The following CFAP107 variants were observed in gnomAD, a reference collection of about 807,000 sequenced individuals.
CFAP107 encodes the protein cilia- and flagella-associated protein 107.
chr1:12,750,634 C>T, the CFAP107 span, among the ~76,000 whole-genome samples: 1 of 152,000 alleles, frequency 6.6e-6, no homozygotes, highest in African/African-American at 2.4e-5. Flanking sequence ...CAAAGAGGGA[C>T]ACTATATATT....
At chr1:12,755,789 G>A in the CFAP107 span, 1 of 1,613,432 alleles carries the variant, frequency 6.2e-7, no homozygotes, top group Non-Finnish European at 8.5e-7. Context: ...AGATCTCCAG[G>A]TGGTATGGGA....
chr1:12,755,872 C>A, the CFAP107 span: 1 of 1,168,204 alleles, frequency 8.6e-7, no homozygotes, highest in Non-Finnish European at 1.3e-6. Context: ...GCTCAGGGGA[C>A]ACCAGCCAGC....
chr1:12,746,672 CTG>C, the CFAP107 span: 1 of 659,570 alleles, frequency 1.5e-6, no homozygotes, highest in South Asian at 1.7e-5. Flanking sequence ...ATTGGGGTCT[CTG>C]TGCTCTACAA....
chr1:12,759,648 G>A, the CFAP107 span: 2 of 792,132 alleles, frequency 2.5e-6, no homozygotes, highest in South Asian at 1.5e-5. Flanking sequence ...TACCCTCAGG[G>A]CTGCCTCCTG....
chr1:12,761,057 G>A, the CFAP107 span: 1 of 1,168,042 alleles, frequency 8.6e-7, no homozygotes, highest in South Asian at 1.6e-5. Context: ...TACGAGATCT[G>A]GCCCGTCAAA....
chr1:12,758,372 C>T, the CFAP107 span, among the ~76,000 whole-genome samples: 12 of 152,200 alleles, frequency 7.9e-5, no homozygotes, highest in Admixed American at 5.2e-4. Context: ...GCTGCTTCTG[C>T]AATTCCCTTT....
chr1:12,756,748 C>G, the CFAP107 span, among the ~76,000 whole-genome samples: 1 of 152,170 alleles, frequency 6.6e-6, no homozygotes, highest in Admixed American at 6.5e-5. Context: ...CATTTTAGTG[C>G]TTGGAGGGAC....
the CFAP107 span, among the ~76,000 whole-genome samples, chr1:12,750,071 G>A: frequency 6.6e-6 from 1 of 152,192 alleles, no homozygotes; most frequent in Non-Finnish European, 1.5e-5. Context: ...ATATAAAGAT[G>A]TAATTTGTGC....
At chr1:12,746,618 T>A in the CFAP107 span, 1 of 1,066,010 alleles carries the variant, frequency 9.4e-7, no homozygotes, top group South Asian at 1.3e-5. Context: ...TCATCACTAT[T>A]TTCAAATGGA....
chr1:12,759,431 C>A, the CFAP107 span: 1 of 1,614,170 alleles, frequency 6.2e-7, no homozygotes, highest in Non-Finnish European at 8.5e-7. Flanking sequence ...CCACTCCGCA[C>A]TTGGAATGGA....
the CFAP107 span, among the ~76,000 whole-genome samples, chr1:12,754,467 G>A: frequency 1.7e-3 from 258 of 152,312 alleles, 2 homozygotes; most frequent in Admixed American, 0.012. Context: ...AAAAAAATTA[G>A]ACATAGAATT....
chr1:12,751,247 G>A, the CFAP107 span, among the ~76,000 whole-genome samples: 1 of 152,052 alleles, frequency 6.6e-6, no homozygotes, highest in African/African-American at 2.4e-5. Context: ...CAAACTAAAT[G>A]CAAAGCTAGC....
chr1:12,749,311 C>T, the CFAP107 span, among the ~76,000 whole-genome samples: 3 of 152,170 alleles, frequency 2.0e-5, no homozygotes, highest in African/African-American at 7.2e-5. Context: ...AATGGCTCCT[C>T]AGTGAGATTG....
chr1:12,752,283 G>A, the CFAP107 span, among the ~76,000 whole-genome samples: 1 of 152,072 alleles, frequency 6.6e-6, no homozygotes, highest in African/African-American at 2.4e-5. Context: ...ATTCCTTCCT[G>A]GAATGCAAGA....
At chr1:12,754,132 A>G in the CFAP107 span, among the ~76,000 whole-genome samples, 1 of 152,234 alleles carries the variant, frequency 6.6e-6, no homozygotes, top group Non-Finnish European at 1.5e-5. Flanking sequence ...ATATCTGATA[A>G]GGGACTAATA....
chr1:12,760,912 G>C, the CFAP107 span: 1 of 1,613,694 alleles, frequency 6.2e-7, no homozygotes, highest in Non-Finnish European at 8.5e-7. Flanking sequence ...ATGCGGTCCC[G>C]GTCCCTCCCC....
the CFAP107 span, among the ~76,000 whole-genome samples, chr1:12,757,420 C>G: frequency 1.4e-5 from 2 of 148,094 alleles, no homozygotes; most frequent in Non-Finnish European, 3.0e-5. Context: ...CTCTCTCTGT[C>G]CCCCAGGCTA....
At chr1:12,746,939 C>T in the CFAP107 span, among the ~76,000 whole-genome samples, 1 of 152,076 alleles carries the variant, frequency 6.6e-6, no homozygotes, top group African/African-American at 2.4e-5. Context: ...TTGCTCTCCT[C>T]ATTCTGGCCC....
the CFAP107 span, among the ~76,000 whole-genome samples, chr1:12,749,445 T>C: frequency 2.0e-5 from 3 of 152,080 alleles, no homozygotes; most frequent in Non-Finnish European, 4.4e-5. Flanking sequence ...ACCCTATGTC[T>C]ACAAAAGATA....
Sources: allele counts gnomAD v4.1 joint callset (sites outside exome capture counted in the v4.1 genomes callset), GRCh38; gene constraint gnomAD v4.1.1; transcripts MANE v1.5; gene names NCBI Gene and HGNC (gene_info 2026-07-23, HGNC 2026-07-21).